FBXL7: variants seen among roughly 807,000 people sequenced by gnomAD.
The protein encoded by FBXL7 is F-box and leucine rich repeat protein 7.
Under a neutral mutation model 38.3 loss-of-function variants are expected in FBXL7, and 12 were observed. The ratio of observed to expected loss-of-function variants is 0.31; its 90% confidence interval spans 0.20 to 0.51. FBXL7 has a LOEUF of 0.51. FBXL7 is among the 20% of genes least tolerant of loss of function. The pLI, the probability that FBXL7 is intolerant of heterozygous loss-of-function variation, is 0.98. For missense variants in FBXL7, 567 were observed against 676.4 expected (o/e 0.84, Z 1.79); for synonymous variants, 297 against 300.9 (o/e 0.99, Z 0.13).
intron 1 of FBXL7, among the ~76,000 whole-genome samples, chr5:15,592,071 C>T (rs748685264): frequency 1.3e-5 from 2 of 152,180 alleles, no homozygotes; most frequent in Non-Finnish European, 2.9e-5. Flanking sequence ...TCCCACTACA[C>T]TGAAGCATCT....
intron 2 of FBXL7, among the ~76,000 whole-genome samples, chr5:15,874,853 G>A (rs979176130): frequency 1.3e-5 from 2 of 152,112 alleles, no homozygotes; most frequent in Non-Finnish European, 2.9e-5. Flanking sequence ...GTAATTTATA[G>A]ATTCAATGCT....
chr5:15,561,430 T>C (rs1382087605), intron 1 of FBXL7, among the ~76,000 whole-genome samples: 1 of 152,174 alleles, frequency 6.6e-6, no homozygotes, highest in Admixed American at 6.6e-5. Context: ...TTCCGTTGTA[T>C]AAATGCATAC....
intron 1 of FBXL7, among the ~76,000 whole-genome samples, chr5:15,566,526 G>A (rs538242501): frequency 6.6e-6 from 1 of 152,210 alleles, no homozygotes; most frequent in Non-Finnish European, 1.5e-5. Flanking sequence ...GATTGCAGGG[G>A]ACATGACTCA....
chr5:15,704,466 T>C (rs1001350991), intron 2 of FBXL7, among the ~76,000 whole-genome samples: 1 of 152,208 alleles, frequency 6.6e-6, no homozygotes, highest in African/African-American at 2.4e-5. Context: ...ATTATTCAGG[T>C]AGAACTTTAC....
chr5:15,926,038 G>C (rs1454419516), intron 2 of FBXL7, among the ~76,000 whole-genome samples: 1 of 152,092 alleles, frequency 6.6e-6, no homozygotes, highest in African/African-American at 2.4e-5. Context: ...ATTTAAGGTA[G>C]GCTAGGACAA....
In FBXL7 at chr5:15,936,407, G is replaced by C; in HGVS notation, c.740-43G>C. ...GGGCATCCCCAGGCGTGGCTCCCCT[G>C]CTGGCAGGTTGCTCTGAGCCTGTGT... On this transcript the variant is annotated intron_variant, in intron 3 of 3. Transcript: ENST00000504595. The surrounding 1 kb of genome is among the most constrained non-coding windows in gnomAD (Gnocchi z 6.0). The C allele has an allele frequency of 1.3e-6, 2 of 1,583,068 alleles. No individual in the cohort carries two copies. Among genetic ancestry groups the C allele is most frequent in the Non-Finnish European group, 8.6e-7 (1 of 1,164,170 alleles).
chr5:15,677,548 G>T (rs1284821442), intron 2 of FBXL7, among the ~76,000 whole-genome samples: 1 of 151,636 alleles, frequency 6.6e-6, no homozygotes, highest in Admixed American at 6.6e-5. Context: ...GGAAGGAAAG[G>T]AAGGAAGGAA....
At chr5:15,642,697 A>G (rs1741406717) in intron 2 of FBXL7, among the ~76,000 whole-genome samples, 1 of 152,186 alleles carries the variant, frequency 6.6e-6, no homozygotes, top group African/African-American at 2.4e-5. Flanking sequence ...AGACAGACCT[A>G]GATAGGAGAC....
intron 2 of FBXL7, among the ~76,000 whole-genome samples, chr5:15,691,571 G>C (rs551710230): frequency 6.6e-6 from 1 of 152,188 alleles, no homozygotes; most frequent in Non-Finnish European, 1.5e-5. Flanking sequence ...GTGCTGCTCA[G>C]TGTACTTCTG....
At chr5:15,700,113 A>G (rs371897926) in intron 2 of FBXL7, among the ~76,000 whole-genome samples, 18 of 152,298 alleles carry the variant, frequency 1.2e-4, no homozygotes, top group African/African-American at 3.8e-4. Flanking sequence ...CACCATTTTA[A>G]TTATCAGAAA....
At chr5:15,835,545 C>T (rs181852477) in intron 2 of FBXL7, among the ~76,000 whole-genome samples, 2 of 152,242 alleles carry the variant, frequency 1.3e-5, no homozygotes, top group South Asian at 2.1e-4. Context: ...TTACTTGACA[C>T]ATGCTTCTCA....
intron 2 of FBXL7, among the ~76,000 whole-genome samples, chr5:15,775,601 A>G (rs1736837696): frequency 6.6e-6 from 1 of 152,152 alleles, no homozygotes; most frequent in Non-Finnish European, 1.5e-5. Context: ...TTGGGGTATC[A>G]GATGTCAGTG....
chr5:15,535,606 G>A (rs569212390), intron 1 of FBXL7, among the ~76,000 whole-genome samples: 1 of 152,286 alleles, frequency 6.6e-6, no homozygotes, highest in East Asian at 1.9e-4. Context: ...TCTGGTGGAG[G>A]AAATTTCTAA....
intron 2 of FBXL7, among the ~76,000 whole-genome samples, chr5:15,702,541 C>T (rs1743560643): frequency 6.6e-6 from 1 of 152,058 alleles, no homozygotes; most frequent in African/African-American, 2.4e-5. Context: ...TTTTTCTGTA[C>T]TGAGTCACCG....
At chr5:15,505,444 G>A (rs1736617310) in intron 1 of FBXL7, among the ~76,000 whole-genome samples, 1 of 151,998 alleles carries the variant, frequency 6.6e-6, no homozygotes, top group African/African-American at 2.4e-5. Context: ...TTCCCGCTAT[G>A]GGCCCAGGAC....
chr5:15,835,045 T>C (rs1324578925), intron 2 of FBXL7, among the ~76,000 whole-genome samples: 1 of 152,218 alleles, frequency 6.6e-6, no homozygotes, highest in Non-Finnish European at 1.5e-5. Flanking sequence ...ATTTTAATGG[T>C]TACTTTTGCT....
intron 2 of FBXL7, among the ~76,000 whole-genome samples, chr5:15,643,161 G>A (rs1343616256): frequency 1.3e-5 from 2 of 152,138 alleles, no homozygotes; most frequent in East Asian, 3.9e-4. Context: ...GAACTCTCTA[G>A]CGACAAGAGT....
At chr5:15,530,716 C>T (rs2126390540) in intron 1 of FBXL7, among the ~76,000 whole-genome samples, 1 of 152,310 alleles carries the variant, frequency 6.6e-6, no homozygotes, top group African/African-American at 2.4e-5. Flanking sequence ...TCTGGGTGAC[C>T]TCTTCCAGTG....
At chr5:15,846,934 G>GA (rs566200438) in intron 2 of FBXL7, among the ~76,000 whole-genome samples, 106 of 151,808 alleles carry the variant, frequency 7.0e-4, no homozygotes, top group African/African-American at 2.5e-3. Flanking sequence ...AAAATTATAA[G>GA]AAAAAAATGT....
Sources: gnomAD v4.1 joint callset for allele counts (sites outside exome capture counted in the v4.1 genomes callset) on GRCh38, gnomAD v4.1.1 for gene constraint, Gnocchi (gnomAD v3.1) non-coding constraint, MANE v1.5 for transcripts, NCBI Gene and HGNC (gene_info 2026-07-23, HGNC 2026-07-21) for gene names.